Variants in MYH3 observed in about 807,000 individuals in gnomAD.
MYH3 encodes the protein myosin heavy chain 3.
Under a neutral mutation model 238.0 loss-of-function variants are expected in MYH3, and 130 were observed. The ratio of observed to expected loss-of-function variants is 0.55; its 90% CI spans 0.47 to 0.63. The LOEUF (loss-of-function observed/expected upper bound fraction) is 0.63, where lower values mean the gene tolerates loss of function less well. Among genes scored for constraint, MYH3 ranks in the 30% least tolerant of loss-of-function variants. The pLI is 0.00. For synonymous variants in MYH3, 880 were observed against 924.1 expected (o/e 0.95, Z 0.86); for missense variants, 1,853 against 2,374.9 (o/e 0.78, Z 4.57).
In MYH3 at chr17:10,635,809, G is replaced by A; in HGVS notation, c.3901C>T (p.Gln1301Ter). ...QLEEKESIVS[Q>*]LSRSKQAFTQ... ...AAGGCTTGCTTGCTCCTGGAAAGTT[G>A]GGATACTATGCTTTCTTTTTCTTCC... Residue 1301 changes from glutamine (Q) to a stop codon, truncating the protein, a stop_gained, in exon 29 of 41, where the codon CAA (glutamine) becomes TAA (stop). Coordinates refer to ENST00000583535, the MANE Select transcript of MYH3 (RefSeq NM_002470.4). LOFTEE classifies it high-confidence loss of function. 6.2e-7 allele frequency: 1 copy of A among 1,614,110 alleles called. No individual in the cohort carries two copies. The highest frequency in any genetic ancestry group is 8.5e-7 in the Non-Finnish European group (1 of 1,180,038).
intron 7 of MYH3, among the ~76,000 whole-genome samples, 174 bp downstream of exon 7, chr17:10,649,403 C>G (rs2074354095): frequency 1.3e-5 from 2 of 152,208 alleles, no homozygotes; most frequent in Non-Finnish European, 2.9e-5. Context: ...TCCTACAAGA[C>G]CAACTTGACA....
At chr17:10,635,904 C>T in intron 28 of MYH3, 51 bp from the exon 29 acceptor site, 2 of 1,474,068 alleles carry the variant, frequency 1.4e-6, no homozygotes, top group South Asian at 2.3e-5. Context: ...CATTCACTCA[C>T]CAACTTTCTA....
upstream of MYH3, among the ~76,000 whole-genome samples, chr17:10,662,169 G>T (rs906560233): frequency 6.6e-6 from 1 of 151,918 alleles, no homozygotes; most frequent in Non-Finnish European, 1.5e-5. Flanking sequence ...TTAGAGGGAG[G>T]TGCCCCCATG....
Position 10,635,729 on chromosome 17 carries a change from G to T in MYH3, c.3975+6C>A. The T allele has an allele frequency of 3.1e-6, 5 of 1,613,160 alleles. No homozygotes were observed. The highest frequency in any genetic ancestry group is 4.2e-6 in the Non-Finnish European group (5 of 1,179,124). On this transcript the variant is annotated splice_donor_region_variant and intron_variant, in intron 29 of 40. Coordinates refer to ENST00000583535, the MANE Select transcript of MYH3 (RefSeq NM_002470.4). ...AGGGCAAAGAAGTCTTCCTTCAATG[G>T]TGTACCTTGTTCTCTTCCTCCAGCT...
chr17:10,643,634 A>G (rs2074293683), intron 14 of MYH3, among the ~76,000 whole-genome samples: 1 of 152,126 alleles, frequency 6.6e-6, no homozygotes, highest in South Asian at 2.1e-4. Flanking sequence ...TCAGCCTCCC[A>G]AAGTGCTGGG....
the MYH3 span, chr17:10,675,416 T>G: frequency 6.6e-6 from 1 of 152,302 alleles, no homozygotes; most frequent in Non-Finnish European, 1.5e-5. Context: ...AGACTTGCTT[T>G]CTTTCAAGAC....
chr17:10,629,634 T>C lies in MYH3; in HGVS notation c.5759A>G (p.Lys1920Arg). The C allele has an allele frequency of 6.2e-7, 1 of 1,614,090 alleles. No individual in the cohort carries two copies. Among genetic ancestry groups the C allele is most frequent in the South Asian group, 1.1e-5 (1 of 91,074 alleles). The change falls in exon 40 of 41, where the codon AAG (lysine) becomes AGG (arginine). Residue 1920 changes from lysine (K) to arginine (R), a missense_variant. Transcript: ENST00000583535. Reference sequence around the variant, plus strand: ...GAAGTCTCGAGTCTTAGCGCGGAGCTTGTTGACTTGAGATTCTGCGATATC... The same window carrying C: ...GAAGTCTCGAGTCTTAGCGCGGAGCCTGTTGACTTGAGATTCTGCGATATC... Reference protein sequence around the residue: ...RADIAESQVNKLRAKTRDFTS... With the variant: ...RADIAESQVNRLRAKTRDFTS...
chr17:10,630,307 A>T lies in MYH3; in HGVS notation c.5438T>A (p.Ile1813Asn). The T allele has an allele frequency of 6.2e-7, 1 of 1,614,068 alleles. No individual in the cohort carries two copies. ...QLALKGGKKQ[I>N]QKLETRIREL... is the part of the protein sequence containing the mutation. ...ACACACCCTGGTCTCCAGTTTCTGG[A>T]TCTGCTTCTTCCCGCCCTTCAGCGC... Residue 1813 changes from isoleucine (I) to asparagine (N), a missense_variant, in exon 37 of 41, where the codon ATC (isoleucine) becomes AAC (asparagine). This residue lies in a region of MYH3 where 1,044 missense variants were observed against 1,192.6 expected (regional missense o/e 0.88). Transcript: ENST00000583535.
chr17:10,660,873 T>C (rs575401177), upstream of MYH3, among the ~76,000 whole-genome samples: 26 of 151,718 alleles, frequency 1.7e-4, no homozygotes, highest in Admixed American at 7.2e-4. Context: ...TAATCCCAGC[T>C]ATTCGAGAGG....
the MYH3 span, among the ~76,000 whole-genome samples, chr17:10,664,016 T>G: frequency 7.2e-6 from 1 of 138,116 alleles, no homozygotes; most frequent in Admixed American, 8.0e-5. Flanking sequence ...TGAGCCAAGA[T>G]CGTGCCATTG....
At chr17:10,632,324 GC>G in intron 34 of MYH3, 151 bp downstream of exon 34, 1 of 936,814 alleles carries the variant, frequency 1.1e-6, no homozygotes, top group South Asian at 1.3e-5. Flanking sequence ...TTGCTATATT[GC>G]CCAGGCTGGT....
At chr17:10,631,536 C>A in intron 36 of MYH3, 75 bp downstream of exon 36, 1 of 1,609,882 alleles carries the variant, frequency 6.2e-7, no homozygotes, top group South Asian at 1.1e-5. Flanking sequence ...GGAGACCGCA[C>A]CTGTCTAACT....
intron 7 of MYH3, 70 bp downstream of exon 7, chr17:10,649,507 C>T: frequency 8.3e-7 from 1 of 1,210,668 alleles, no homozygotes; most frequent in Non-Finnish European, 1.2e-6. Flanking sequence ...GGACATTTGG[C>T]CCCCTCATTC....
upstream of MYH3, among the ~76,000 whole-genome samples, chr17:10,660,699 AG>A (rs1284574564): frequency 3.3e-4 from 39 of 117,652 alleles, no homozygotes; most frequent in Non-Finnish European, 6.1e-4. Flanking sequence ...AATTCTATCC[AG>A]CCGGGCATGG....
At position 10,642,145 on chromosome 17, in the gene MYH3, A is replaced by C; in HGVS notation, c.1959+95T>G. 8.8e-7 allele frequency: 1 copy of C among 1,136,196 alleles called. No homozygotes were observed. Among genetic ancestry groups the C allele is most frequent in the South Asian group, 1.3e-5 (1 of 75,988 alleles). The allele number at this position is 1,136,196 out of a possible 1,614,324, so 70.4% of individuals were successfully genotyped here. On this transcript the variant is annotated intron_variant, in intron 17 of 40. Transcript: ENST00000583535. The surrounding 1 kb of genome is among the most constrained non-coding windows in gnomAD (Gnocchi z 5.4). ...ACAGTAATCAGATTAAGACAACACT[A>C]CTACTCTCAAATAAATCAAGCTTAG...
intron 28 of MYH3, among the ~76,000 whole-genome samples, chr17:10,636,575 G>C (rs2074217883): frequency 6.6e-6 from 1 of 152,088 alleles, no homozygotes; most frequent in African/African-American, 2.4e-5. Context: ...GAAAAACATA[G>C]AATGGGGCTT....
chr17:10,668,544 A>G, the MYH3 span, among the ~76,000 whole-genome samples: 1 of 152,238 alleles, frequency 6.6e-6, no homozygotes, highest in African/African-American at 2.4e-5. Flanking sequence ...AAGGAAAAAA[A>G]GAACAATCTG....
upstream of MYH3, among the ~76,000 whole-genome samples, chr17:10,657,836 A>C (rs915170189): frequency 6.6e-6 from 1 of 152,168 alleles, no homozygotes; most frequent in African/African-American, 2.4e-5. Flanking sequence ...AATAATAATT[A>C]ATAGCAATAA....
chr17:10,629,775 C>T, intron 39 of MYH3, 41 bp from the exon 40 acceptor site: 1 of 1,614,170 alleles, frequency 6.2e-7, no homozygotes, highest in Admixed American at 1.7e-5. Context: ...CAGCACGCGC[C>T]TCTCTCAGAA....
Sources: allele counts gnomAD v4.1 joint callset (sites outside exome capture counted in the v4.1 genomes callset), GRCh38; gene constraint gnomAD v4.1.1; regional missense constraint gnomAD v4.1.1; non-coding constraint Gnocchi (gnomAD v3.1); transcripts MANE v1.5; gene names NCBI Gene and HGNC (gene_info 2026-07-23, HGNC 2026-07-21).